ABR: variants seen among roughly 807,000 people sequenced by gnomAD.
ABR encodes the protein ABR activator of RhoGEF and GTPase, also known as active breakpoint cluster region-related protein.
Under a neutral mutation model 107.2 loss-of-function variants are expected in ABR, and 35 were observed. The ratio of observed to expected loss-of-function variants is 0.33; its 90% CI spans 0.25 to 0.43. The LOEUF (loss-of-function observed/expected upper bound fraction) is 0.43. ABR is among the 20% of genes least tolerant of loss of function. ABR has a pLI of 1.00. For missense variants in ABR, 815 were observed against 1,115.2 expected, an observed-to-expected ratio of 0.73 and a Z score of 3.83; for synonymous variants, 498 against 462.0, an observed-to-expected ratio of 1.08 and a Z score of -1.00.
chr17:1,109,361 C>T (rs2038505658), intron 2 of ABR, among the ~76,000 whole-genome samples: 1 of 151,938 alleles, frequency 6.6e-6, no homozygotes, highest in Non-Finnish European at 1.5e-5. Flanking sequence ...CAGCGCCCTC[C>T]TCCGTGTCCC....
At position 1,056,531 on chromosome 17, in the gene ABR, G is replaced by T. The variant is rs114794323; in HGVS notation, c.1487-422C>A. Among the ~76,000 whole-genome samples the T allele has an allele frequency of 6.7e-3, 1,024 of 152,196 alleles. 9 individuals are homozygous for T. Among genetic ancestry groups the T allele is most frequent in the African/African-American group, 0.023 (964 of 41,492 alleles). ...TGGACCCTTTCCCAGCACACAGGCA[G>T]CTAGAATACACCCACTCCGGTCAGT... is the stretch of plus-strand genomic sequence containing the variant. On this transcript the variant is annotated intron_variant, in intron 13 of 22. Coordinates refer to ENST00000302538, the MANE Select transcript of ABR (RefSeq NM_021962.5).
chr17:1,101,400 T>G (rs1364603937), intron 2 of ABR: 1 of 152,264 alleles, frequency 6.6e-6, no homozygotes, highest in African/African-American at 2.4e-5. Context: ...ATATTCCTCC[T>G]GTAACATCTC....
intron 18 of ABR, chr17:1,012,425 G>T: frequency 1.5e-6 from 1 of 682,946 alleles, no homozygotes; most frequent in South Asian, 1.5e-5. Flanking sequence ...GGCTGACAGA[G>T]CTTCCCGCTT....
chr17:1,149,093 C>T (rs1334872066), intron 1 of ABR, among the ~76,000 whole-genome samples: 2 of 151,778 alleles, frequency 1.3e-5, no homozygotes, highest in South Asian at 2.1e-4. Flanking sequence ...TTAGTAGAGA[C>T]GGGGTTTCAC....
At chr17:1,162,342 T>C (rs1324346609) in intron 1 of ABR, among the ~76,000 whole-genome samples, 1 of 152,220 alleles carries the variant, frequency 6.6e-6, no homozygotes, top group Non-Finnish European at 1.5e-5. Flanking sequence ...CAAGAACAGC[T>C]GCACCTAGAC....
At position 1,214,850 on chromosome 17, in the gene ABR, G is replaced by T. The variant is rs577371032; in HGVS notation, c.838+13943C>A. Among the ~76,000 whole-genome samples, 4 of 151,982 alleles carry T rather than the reference G, an allele frequency of 2.6e-5. No homozygotes were observed. In the East Asian group the frequency reaches 5.8e-4, roughly 22 times the overall value. ...ATTGTACATAGTTTTTCCCTGTAAT[G>T]TGGCAGCTATCTCGGTGTATATAAG... On this transcript the variant is annotated intron_variant, in intron 1 of 22. Coordinates refer to the ABR transcript ENST00000574139.
At chr17:1,083,792 C>T in intron 4 of ABR, 165 bp from the exon 5 acceptor site, 1 of 623,772 alleles carries the variant, frequency 1.6e-6, no homozygotes, top group Admixed American at 2.4e-5. Flanking sequence ...ATTACAGTGT[C>T]CCTTTGAACT....
intron 1 of ABR, among the ~76,000 whole-genome samples, chr17:1,217,686 C>G (rs1382381052): frequency 6.6e-6 from 1 of 152,070 alleles, no homozygotes; most frequent in Non-Finnish European, 1.5e-5. Flanking sequence ...AGACAGCGTG[C>G]TCTTATTTAT....
In ABR at chr17:1,203,421, GCGGGGCCCGCGGGGA is replaced by G. The variant is rs1219721384; in HGVS notation, c.838+25357_838+25371del. ...CCCGCGGGGGGCGGAGTCTGCGGGG[GCGGGGCCCGCGGGGA>G]CGGAGTCTGCGGGGGCGGGGCCCGC... On this transcript the variant is annotated intron_variant, in intron 1 of 22. Transcript: ENST00000574139. Among the ~76,000 whole-genome samples, 471 of 90,336 alleles carry G rather than the reference GCGGGGCCCGCGGGGA, an allele frequency of 5.2e-3. 117 individuals carry two copies. The highest frequency in any genetic ancestry group is 0.021 in the South Asian group (49 of 2,362). The allele number at this position is 90,336 out of a possible 152,430, so 59.3% of individuals were successfully genotyped here.
chr17:1,016,517 T>C (rs1052696400), intron 16 of ABR, among the ~76,000 whole-genome samples: 1 of 151,972 alleles, frequency 6.6e-6, no homozygotes, highest in Non-Finnish European at 1.5e-5. Context: ...GGTTTCACCA[T>C]GTTGGCCAGG....
rs752834218 is a variant in ABR, at chr17:1,037,387, C to A, written c.1791+12663G>T. Among the ~76,000 whole-genome samples the A allele has an allele frequency of 1.3e-5, 2 of 152,182 alleles. No individual in the cohort carries two copies. The highest frequency in any genetic ancestry group is 2.4e-5 in the African/African-American group (1 of 41,452). On this transcript the variant is annotated intron_variant, in intron 16 of 22. Coordinates refer to ENST00000302538, the MANE Select transcript of ABR (RefSeq NM_021962.5). The surrounding 1 kb of genome is among the most constrained non-coding windows in gnomAD (Gnocchi z 4.6). ...CTCTGGCCACGTCAGGCTGGTGTCG[C>A]CAGGGTGCTCGGTGGTTCTAGGTAC...
At chr17:1,129,535 A>G (rs1309018098) in intron 1 of ABR, among the ~76,000 whole-genome samples, 4 of 152,086 alleles carry the variant, frequency 2.6e-5, no homozygotes, top group African/African-American at 9.7e-5. Flanking sequence ...CCGTCTCAAA[A>G]AAACAAAAAC....
Position 1,010,140 on chromosome 17 carries a change from TTC to T in ABR, c.2237-358_2237-357del, listed in dbSNP as rs1179882124. ...AGGGACATATCCTGCCAGCGGTGGATTCTCTTTCTCCACCCCTTCTGCTGCTG... is the reference window on the plus strand; with the variant it reads ...AGGGACATATCCTGCCAGCGGTGGATTCTTTCTCCACCCCTTCTGCTGCTG... On this transcript the variant is annotated intron_variant, in intron 20 of 22. Transcript: ENST00000302538. This position sits in a 1 kb window ranked among gnomAD's most constrained non-coding sequence, Gnocchi z 4.1. 1.0e-5 allele frequency: 3 copies of T among 296,718 alleles called. No individual in the cohort carries two copies. The highest frequency in any genetic ancestry group is 8.8e-5 in the Admixed American group (2 of 22,648). The allele number at this position is 296,718 out of a possible 1,614,324, so 18.4% of individuals were successfully genotyped here.
At chr17:1,102,569 G>GT (rs2037970698) in intron 2 of ABR, among the ~76,000 whole-genome samples, 1 of 152,204 alleles carries the variant, frequency 6.6e-6, no homozygotes, top group African/African-American at 2.4e-5. Context: ...AATATATAAT[G>GT]TTTTAAGAGT....
At chr17:1,175,128 A>G (rs1184658496) in intron 1 of ABR, among the ~76,000 whole-genome samples, 1 of 152,238 alleles carries the variant, frequency 6.6e-6, no homozygotes, top group African/African-American at 2.4e-5. Flanking sequence ...CCAAGAAAAC[A>G]TGGCCGGGCG....
intron 16 of ABR, 69 bp downstream of exon 16, chr17:1,049,981 A>C: frequency 1.3e-6 from 2 of 1,549,508 alleles, no homozygotes; most frequent in South Asian, 1.2e-5. Context: ...CTCCTTGACC[A>C]GAATTCCTTT....
chr17:1,191,051 C>G (rs1286307697), upstream of ABR, among the ~76,000 whole-genome samples: 1 of 152,210 alleles, frequency 6.6e-6, no homozygotes, highest in Non-Finnish European at 1.5e-5. Flanking sequence ...AACCACCACG[C>G]CGGCCCGAGG....
At chr17:1,146,260 G>GACACAC (rs60058475) in intron 1 of ABR, among the ~76,000 whole-genome samples, 23,045 of 140,026 alleles carry the variant, frequency 0.16, 2,209 homozygotes, top group Non-Finnish European at 0.22. Flanking sequence ...GGCACATGGA[G>GACACAC]ACACACACAC....
chr17:1,062,765 G>A (rs2034169572), intron 10 of ABR, among the ~76,000 whole-genome samples: 1 of 147,750 alleles, frequency 6.8e-6, no homozygotes, highest in Admixed American at 6.9e-5. Context: ...GTGAACTGAG[G>A]GCTATGCATG....
Sources: allele counts gnomAD v4.1 joint callset (sites outside exome capture counted in the v4.1 genomes callset), GRCh38; gene constraint gnomAD v4.1.1; non-coding constraint Gnocchi (gnomAD v3.1); transcripts MANE v1.5; gene names NCBI Gene and HGNC (gene_info 2026-07-23, HGNC 2026-07-21).